ENOX1: variants seen among roughly 807,000 people sequenced by gnomAD.
ENOX1 encodes the protein ecto-NOX disulfide-thiol exchanger 1, also known as candidate growth-related and time keeping constitutive hydroquinone (NADH) oxidase.
A neutral mutation model predicts 82.5 loss-of-function variants in ENOX1; 42 were observed. The observed-to-expected ratio is 0.51, with a 90% confidence interval of 0.40 to 0.66. ENOX1 has a LOEUF of 0.66. ENOX1 is among the 30% of genes least tolerant of loss of function. The pLI, the probability that ENOX1 is intolerant of heterozygous loss-of-function variation, is 0.00. For synonymous variants in ENOX1, 271 were observed against 282.2 expected (o/e 0.96, Z 0.40); for missense variants, 608 against 811.6 (o/e 0.75, Z 3.05).
chr13:43,708,123 G>C lies in ENOX1; in HGVS notation c.-284-40579C>G, dbSNP rs138653836. 2.3e-3 allele frequency among the ~76,000 whole-genome samples: 347 copies of C among 152,262 alleles called. 1 individual carries two copies. Among genetic ancestry groups the C allele is most frequent in the Middle Eastern group, 6.8e-3 (2 of 294 alleles). On this transcript the variant is annotated intron_variant, in intron 1 of 16. Coordinates refer to ENST00000690772, the MANE Select transcript of ENOX1 (RefSeq NM_001347969.2). ...ATAAGATCTCAGGAGTTGGGTGAGTGGGCTCAAGCATGAGCACTAAAAGGC... is the reference window on the plus strand; with the variant it reads ...ATAAGATCTCAGGAGTTGGGTGAGTCGGCTCAAGCATGAGCACTAAAAGGC...
chr13:43,636,359 G>A (rs1489759862), intron 2 of ENOX1, among the ~76,000 whole-genome samples: 3 of 152,132 alleles, frequency 2.0e-5, no homozygotes, highest in Non-Finnish European at 4.4e-5. Context: ...ATGGAACCAT[G>A]GGAAGATAAC....
At chr13:43,564,156 T>G (rs1000711352) in intron 2 of ENOX1, among the ~76,000 whole-genome samples, 1 of 152,032 alleles carries the variant, frequency 6.6e-6, no homozygotes, top group Non-Finnish European at 1.5e-5. Context: ...AAGTGAAAGA[T>G]CTCTACAATG....
intron 2 of ENOX1, chr13:43,543,913 C>CTTTTTTTTTTTTT (rs11324994): frequency 2.7e-3 from 261 of 97,372 alleles, no homozygotes; most frequent in East Asian, 3.9e-3. Context: ...TTTTCTTTTT[C>CTTTTTTTTTTTTT]TTTTTTTTTT....
At chr13:43,684,175 T>C (rs558745612) in intron 1 of ENOX1, among the ~76,000 whole-genome samples, 4 of 152,108 alleles carry the variant, frequency 2.6e-5, no homozygotes, top group Admixed American at 6.5e-5. Flanking sequence ...TGAGCTCCTA[T>C]GTCCTTGTCT....
At chr13:43,502,737 A>T (rs1162050943) in intron 2 of ENOX1, among the ~76,000 whole-genome samples, 1 of 151,612 alleles carries the variant, frequency 6.6e-6, no homozygotes, top group African/African-American at 2.4e-5. Flanking sequence ...TGAAAAGCCC[A>T]TATGTATCAT....
chr13:43,640,904 A>G (rs1467474468), intron 2 of ENOX1, among the ~76,000 whole-genome samples: 3 of 41,634 alleles, frequency 7.2e-5, no homozygotes, highest in Non-Finnish European at 8.5e-5. Context: ...ACGTACACAC[A>G]CACGCACGCA....
At chr13:43,643,151 T>C (rs1207516273) in intron 2 of ENOX1, among the ~76,000 whole-genome samples, 1 of 152,226 alleles carries the variant, frequency 6.6e-6, no homozygotes, top group East Asian at 1.9e-4. Context: ...CCCTACTGTA[T>C]CATAAGGTTC....
intron 16 of ENOX1, among the ~76,000 whole-genome samples, chr13:43,218,617 C>T (rs949519787): frequency 6.6e-6 from 1 of 152,028 alleles, no homozygotes; most frequent in African/African-American, 2.4e-5. Flanking sequence ...CAGAGTGAGA[C>T]CCTGACACAA....
intron 1 of ENOX1, among the ~76,000 whole-genome samples, chr13:43,688,032 A>G (rs1377737379): frequency 6.6e-6 from 1 of 152,118 alleles, no homozygotes; most frequent in African/African-American, 2.4e-5. Context: ...TGTTTAAGTG[A>G]GAAGGCAAAC....
chr13:43,498,711 A>T (rs2076877600), intron 2 of ENOX1, among the ~76,000 whole-genome samples: 1 of 152,084 alleles, frequency 6.6e-6, no homozygotes, highest in Non-Finnish European at 1.5e-5. Flanking sequence ...TGATGAATAC[A>T]AAAAAATGAG....
intron 2 of ENOX1, among the ~76,000 whole-genome samples, chr13:43,611,520 A>G (rs1296631420): frequency 2.0e-5 from 3 of 151,974 alleles, no homozygotes; most frequent in Non-Finnish European, 4.4e-5. Context: ...GATCCACAAT[A>G]CTCCCTGAAG....
intron 7 of ENOX1, 56 bp from the exon 8 acceptor site, chr13:43,356,208 G>T: frequency 3.9e-6 from 6 of 1,531,864 alleles, no homozygotes; most frequent in Non-Finnish European, 5.4e-6. Flanking sequence ...CACAGTTTTG[G>T]TCCAGACCTT....
At chr13:43,455,846 C>A (rs867458355) in intron 3 of ENOX1, among the ~76,000 whole-genome samples, 1 of 152,156 alleles carries the variant, frequency 6.6e-6, no homozygotes, top group African/African-American at 2.4e-5. Context: ...TCTTTGCCTG[C>A]CACCCTGTAA....
intron 5 of ENOX1, among the ~76,000 whole-genome samples, chr13:43,365,628 C>T (rs1160135911): frequency 2.0e-5 from 3 of 152,172 alleles, no homozygotes; most frequent in African/African-American, 4.8e-5. Context: ...AAATACTAGG[C>T]CAATTGGCAG....
At chr13:43,228,426 A>T (rs1441921032) in intron 15 of ENOX1, among the ~76,000 whole-genome samples, 7 of 152,200 alleles carry the variant, frequency 4.6e-5, no homozygotes, top group African/African-American at 1.7e-4. Context: ...ATTTAAAAAA[A>T]TTTTAAAAGA....
intron 2 of ENOX1, among the ~76,000 whole-genome samples, chr13:43,496,680 C>G (rs1352346103): frequency 6.6e-6 from 1 of 152,104 alleles, no homozygotes; most frequent in African/African-American, 2.4e-5. Context: ...CCACACCCAG[C>G]CTCCATTTCT....
At chr13:43,395,062 C>A (rs995531405) in intron 5 of ENOX1, among the ~76,000 whole-genome samples, 4 of 152,126 alleles carry the variant, frequency 2.6e-5, no homozygotes, top group Non-Finnish European at 5.9e-5. Flanking sequence ...TAGCGTGACA[C>A]ATTCACTACT....
At chr13:43,260,426 G>A (rs560966759) in intron 14 of ENOX1, among the ~76,000 whole-genome samples, 7 of 152,336 alleles carry the variant, frequency 4.6e-5, no homozygotes, top group Admixed American at 3.9e-4. Flanking sequence ...ATAGAGGAAT[G>A]TGAGGTAGCA....
chr13:43,290,540 G>T (rs895997809), intron 12 of ENOX1, among the ~76,000 whole-genome samples: 1 of 152,206 alleles, frequency 6.6e-6, no homozygotes, highest in African/African-American at 2.4e-5. Flanking sequence ...ATAAGTGGGA[G>T]CTAAACACTG....
Sources: allele counts gnomAD v4.1 joint callset (sites outside exome capture counted in the v4.1 genomes callset), GRCh38; gene constraint gnomAD v4.1.1; transcripts MANE v1.5; gene names NCBI Gene and HGNC (gene_info 2026-07-23, HGNC 2026-07-21).